DAZAP2: variants seen among roughly 807,000 people sequenced by gnomAD.
DAZAP2 encodes DAZ-associated protein 2.
DAZAP2 carries 3 observed loss-of-function variants against 16.2 expected under a neutral mutation model. That is an observed-to-expected ratio of 0.19 (90% confidence interval 0.08 to 0.48). The LOEUF (loss-of-function observed/expected upper bound fraction) is 0.48, where lower values mean the gene tolerates loss of function less well. DAZAP2 is among the 20% of genes least tolerant of loss of function. The pLI is 0.98. For synonymous variants in DAZAP2, 69 were observed against 77.6 expected, an observed-to-expected ratio of 0.89 and a Z score of 0.58; for missense variants, 172 against 215.9, an observed-to-expected ratio of 0.80 and a Z score of 1.27.
At chr12:51,245,864 G>T, downstream of DAZAP2, 1 of 1,501,548 alleles carries the variant, frequency 6.7e-7, no homozygotes, top group South Asian at 1.3e-5. Context: ...CCTGGCTTCA[G>T]AGAAAACTTT....
chr12:51,243,876 G>A lies in DAZAP2; in HGVS notation c.*1418G>A. On this transcript the variant is annotated 3_prime_UTR_variant, in exon 4 of 4. Coordinates refer to ENST00000412716, the MANE Select transcript of DAZAP2 (RefSeq NM_014764.4). Reference sequence around the variant, plus strand: ...CCCATCTAGAATTCAGCTAGGTGCTGCTGCTGCTCTGTTTCCTTTGATGAC... The same window carrying A: ...CCCATCTAGAATTCAGCTAGGTGCTACTGCTGCTCTGTTTCCTTTGATGAC... 1 of 985,372 alleles carries A rather than the reference G, an allele frequency of 1.0e-6. No individual in the cohort carries two copies. The highest frequency in any genetic ancestry group is 1.2e-6 in the Non-Finnish European group (1 of 829,916). The allele number at this position is 985,372 out of a possible 1,614,324, so 61.0% of individuals were successfully genotyped here. A position where few individuals can be genotyped will look rare whatever the true frequency, so the allele number is the denominator to read the frequency against.
chr12:51,244,326 A>G (rs1944735797), downstream of DAZAP2, among the ~76,000 whole-genome samples: 1 of 152,160 alleles, frequency 6.6e-6, no homozygotes, highest in Non-Finnish European at 1.5e-5. Flanking sequence ...CCTCCTGAGT[A>G]GCTGGGATTA....
At chr12:51,246,113 A>G (rs1944766647), downstream of DAZAP2, 3 of 1,613,900 alleles carry the variant, frequency 1.9e-6, no homozygotes, top group South Asian at 1.1e-5. Flanking sequence ...GACAACGGTG[A>G]TAACAACTTG....
At chr12:51,240,193 T>TTTTC in intron 1 of DAZAP2, 150 bp from the exon 2 acceptor site, 1 of 674,680 alleles carries the variant, frequency 1.5e-6, no homozygotes, top group Non-Finnish European at 2.7e-6. Flanking sequence ...ACAATGCATA[T>TTTTC]TTTCTTAGTT....
At chr12:51,240,298 T>A (rs368330924) in intron 1 of DAZAP2, 45 bp from the exon 2 acceptor site, 4 of 1,503,392 alleles carry the variant, frequency 2.7e-6, no homozygotes, top group Non-Finnish European at 3.7e-6. Flanking sequence ...CTCATTTTGG[T>A]AGCTCTGTGT....
chr12:51,240,173 G>T, intron 1 of DAZAP2, 170 bp from the exon 2 acceptor site: 1 of 621,696 alleles, frequency 1.6e-6, no homozygotes, highest in Non-Finnish European at 2.9e-6. Context: ...TCCATTTTAA[G>T]GGTGCAAAGA....
rs1021057804 is a variant in DAZAP2 at position 51,238,834 on chromosome 12, A to G, written c.-74A>G. On this transcript the variant is annotated 5_prime_UTR_variant, in exon 1 of 4. Transcript: ENST00000412716. The stretch of plus-strand genomic sequence containing the variant: ...CGGACGGACCATCATGTGACACGGA[A>G]GTAGCTCCGAACAGGAAGAGGACGA... The G allele has an allele frequency of 2.5e-6, 4 of 1,609,794 alleles. No individual in the cohort carries two copies. Among genetic ancestry groups the G allele is most frequent in the Non-Finnish European group, 2.5e-6 (3 of 1,178,932 alleles).
At position 51,240,566 on chromosome 12, in the gene DAZAP2, A is replaced by T; in HGVS notation, c.132+105A>T. 4 of 1,105,064 alleles carry T rather than the reference A, an allele frequency of 3.6e-6. No homozygotes were observed. The East Asian group carries it at 9.5e-5, about 26-fold the overall frequency. 68.5% of individuals were successfully genotyped at this position (1,105,064 alleles called of 1,614,324 possible). A position where few individuals can be genotyped will look rare whatever the true frequency, so the allele number is the denominator to read the frequency against. Reference sequence around the variant, plus strand: ...ACATATTTACTCTTCACAAATGCTAACATGAATAATCTAAAACACTATATA... The same window carrying T: ...ACATATTTACTCTTCACAAATGCTATCATGAATAATCTAAAACACTATATA... On this transcript the variant is annotated intron_variant, in intron 2 of 3. Coordinates refer to ENST00000412716, the MANE Select transcript of DAZAP2 (RefSeq NM_014764.4).
At chr12:51,245,742 G>A, downstream of DAZAP2, 1 of 560,158 alleles carries the variant, frequency 1.8e-6, no homozygotes, top group Admixed American at 3.1e-5. Flanking sequence ...CCTGGTTAAA[G>A]ATATCATAAA....
downstream of DAZAP2, among the ~76,000 whole-genome samples, chr12:51,244,309 G>A (rs566767802): frequency 2.6e-4 from 40 of 152,298 alleles, no homozygotes; most frequent in African/African-American, 9.1e-4. Context: ...TGATTCTCCT[G>A]TCTCAGCCTC....
chr12:51,242,561 A>G lies in DAZAP2; in HGVS notation c.*103A>G, dbSNP rs751297697. 4 of 1,612,068 alleles carry G rather than the reference A, an allele frequency of 2.5e-6. No homozygotes were observed. The Admixed American group carries it at 6.7e-5, about 27-fold the overall frequency. On this transcript the variant is annotated 3_prime_UTR_variant, in exon 4 of 4. Transcript: ENST00000412716. ...ATTAACCTGAAGTTGCAGTTTAGAC[A>G]CATGTTGTTGGGGTGTCTTTCTGGT...
In DAZAP2 at chr12:51,243,408, T is replaced by G; in HGVS notation, c.*950T>G. Reference sequence around the variant, plus strand: ...AACTGGTTACCATTTTTTGTCAGAGTGTCTGATGCGGCCACTCATTCGGCT... The same window carrying G: ...AACTGGTTACCATTTTTTGTCAGAGGGTCTGATGCGGCCACTCATTCGGCT... On this transcript the variant is annotated 3_prime_UTR_variant, in exon 4 of 4. Coordinates refer to ENST00000412716, the MANE Select transcript of DAZAP2 (RefSeq NM_014764.4). The G allele has an allele frequency of 1.0e-6, 1 of 985,772 alleles. No homozygotes were observed. Among genetic ancestry groups the G allele is most frequent in the African/African-American group, 1.7e-5 (1 of 57,346 alleles). The allele number at this position is 985,772 out of a possible 1,614,324, so 61.1% of individuals were successfully genotyped here.
Position 51,239,120 on chromosome 12 carries a change from C to A in DAZAP2, c.13+200C>A, listed in dbSNP as rs921770660. 8 of 727,644 alleles carry A rather than the reference C, an allele frequency of 1.1e-5. No individual in the cohort carries two copies. In the Admixed American group the frequency reaches 1.3e-4, roughly 12 times the overall value. The allele number at this position is 727,644 out of a possible 1,614,324, so 45.1% of individuals were successfully genotyped here. On this transcript the variant is annotated intron_variant, in intron 1 of 3. Coordinates refer to ENST00000412716, the MANE Select transcript of DAZAP2 (RefSeq NM_014764.4). ...GCTTGCTGCCTCCAGGCCCTTTCCT[C>A]CGTAAACTCTGTGGCGCAGTTTGGA...
At position 51,242,500 on chromosome 12, in the gene DAZAP2, C is replaced by T. The variant is rs772739085; in HGVS notation, c.*42C>T. 1.2e-6 allele frequency: 2 copies of T among 1,613,678 alleles called. No individual in the cohort carries two copies. The highest frequency in any genetic ancestry group is 2.2e-5 in the East Asian group (1 of 44,880). ...CTGTGCCGGGAAAGACATCACATAC[C>T]TTCAGCACTTCTCACAATGTAACTG... On this transcript the variant is annotated 3_prime_UTR_variant, in exon 4 of 4. Transcript: ENST00000412716.
In DAZAP2 at chr12:51,243,417, C is replaced by A; in HGVS notation, c.*959C>A. On this transcript the variant is annotated 3_prime_UTR_variant, in exon 4 of 4. Transcript: ENST00000412716. ...CCATTTTTTGTCAGAGTGTCTGATG[C>A]GGCCACTCATTCGGCTCCCCAGAAT... The A allele has an allele frequency of 2.0e-6, 2 of 985,710 alleles. No individual in the cohort carries two copies. Among genetic ancestry groups the A allele is most frequent in the South Asian group, 9.4e-5 (2 of 21,282 alleles). The allele number at this position is 985,710 out of a possible 1,614,324, so 61.1% of individuals were successfully genotyped here. A position where few individuals can be genotyped will look rare whatever the true frequency, so the allele number is the denominator to read the frequency against.
chr12:51,242,842 T>C lies in DAZAP2; in HGVS notation c.*384T>C, dbSNP rs574069333. 1.5e-5 allele frequency: 21 copies of C among 1,382,738 alleles called. No homozygotes were observed. The highest frequency in any genetic ancestry group is 7.0e-5 in the South Asian group (4 of 57,380). The allele number at this position is 1,382,738 out of a possible 1,614,324, so 85.7% of individuals were successfully genotyped here. ...AATTAAAGTTGCCAAATTATTCTGATTGGTCTTTAATCTCCTTTAAGTCTT... is the reference window on the plus strand; with the variant it reads ...AATTAAAGTTGCCAAATTATTCTGACTGGTCTTTAATCTCCTTTAAGTCTT... On this transcript the variant is annotated 3_prime_UTR_variant, in exon 4 of 4. Transcript: ENST00000412716.
chr12:51,242,863 G>A lies in DAZAP2; in HGVS notation c.*405G>A, dbSNP rs1480309011. 7.4e-7 allele frequency: 1 copy of A among 1,350,742 alleles called. No individual in the cohort carries two copies. Among genetic ancestry groups the A allele is most frequent in the Non-Finnish European group, 9.5e-7 (1 of 1,055,904 alleles). The allele number at this position is 1,350,742 out of a possible 1,614,324, so 83.7% of individuals were successfully genotyped here. A position where few individuals can be genotyped will look rare whatever the true frequency, so the allele number is the denominator to read the frequency against. On this transcript the variant is annotated 3_prime_UTR_variant, in exon 4 of 4. Coordinates refer to ENST00000412716, the MANE Select transcript of DAZAP2 (RefSeq NM_014764.4). ...CTGATTGGTCTTTAATCTCCTTTAAGTCTTTGATATATATTACTTGTTATA... is the reference window on the plus strand; with the variant it reads ...CTGATTGGTCTTTAATCTCCTTTAAATCTTTGATATATATTACTTGTTATA...
At chr12:51,246,630 G>GTGTT (rs1375633773), downstream of DAZAP2, 26 of 609,284 alleles carry the variant, frequency 4.3e-5, no homozygotes, top group Non-Finnish European at 5.3e-5. Flanking sequence ...GTGTGTGTGT[G>GTGTT]TGTGTGTGTA....
At chr12:51,239,612 CTA>C (rs1253520904) in intron 1 of DAZAP2, 7 of 152,284 alleles carry the variant, frequency 4.6e-5, no homozygotes, top group African/African-American at 1.7e-4. Context: ...AACCCCGTCT[CTA>C]TTAAAAAATA....
Sources: allele counts gnomAD v4.1 joint callset (sites outside exome capture counted in the v4.1 genomes callset), GRCh38; gene constraint gnomAD v4.1.1; transcripts MANE v1.5; gene names NCBI Gene and HGNC (gene_info 2026-07-23, HGNC 2026-07-21).